Variants in PLD5 observed in about 807,000 individuals in gnomAD.
The protein encoded by PLD5 is inactive phospholipase D5.
PLD5 carries 36 observed loss-of-function variants against 61.1 expected under a neutral mutation model. That is an observed-to-expected ratio of 0.59 (90% CI 0.45 to 0.78). PLD5 has a LOEUF of 0.78. PLD5 is among the 30% of genes least tolerant of loss of function. PLD5 has a pLI of 0.00. For synonymous variants in PLD5, 243 were observed against 242.8 expected, an observed-to-expected ratio of 1.00 and a Z score of -0.01; for missense variants, 515 against 644.4, an observed-to-expected ratio of 0.80 and a Z score of 2.17.
intron 4 of PLD5, among the ~76,000 whole-genome samples, chr1:242,241,868 AC>A (rs1672031053): frequency 1.2e-5 from 1 of 84,798 alleles, no homozygotes; most frequent in South Asian, 3.5e-4. Flanking sequence ...TGCTTTACTT[AC>A]TATATATATA....
intron 2 of PLD5, among the ~76,000 whole-genome samples, chr1:242,300,997 C>T (rs190782931): frequency 9.9e-4 from 151 of 152,286 alleles, no homozygotes; most frequent in Middle Eastern, 3.4e-3. Flanking sequence ...GCGAGCTTGC[C>T]TTTCATCTTT....
At chr1:242,421,781 ATGT>A (rs1249343432) in intron 1 of PLD5, among the ~76,000 whole-genome samples, 1 of 152,194 alleles carries the variant, frequency 6.6e-6, no homozygotes, top group East Asian at 1.9e-4. Flanking sequence ...GTTGTGGATG[ATGT>A]TGTTTTCAGT....
At chr1:242,110,198 TG>T (rs1661377823) in intron 7 of PLD5, among the ~76,000 whole-genome samples, 2 of 152,046 alleles carry the variant, frequency 1.3e-5, no homozygotes, top group African/African-American at 4.8e-5. Flanking sequence ...AATACTGAAC[TG>T]GCCCAGAATT....
chr1:242,365,010 C>T (rs572083537), intron 1 of PLD5, among the ~76,000 whole-genome samples: 4 of 151,376 alleles, frequency 2.6e-5, no homozygotes, highest in African/African-American at 9.7e-5. Flanking sequence ...TTCCAAATAT[C>T]TCTATGAGAA....
rs113732721 is a variant in PLD5, at chr1:242,169,824, G to A, written c.736-45159C>T. 1.3e-3 allele frequency among the ~76,000 whole-genome samples: 202 copies of A among 152,274 alleles called. 1 individual carries two copies. The highest frequency in any genetic ancestry group is 4.7e-3 in the African/African-American group (194 of 41,556). On this transcript the variant is annotated intron_variant, in intron 5 of 9. Coordinates refer to ENST00000536534, the MANE Select transcript of PLD5 (RefSeq NM_001372062.1). Reference sequence around the variant, plus strand: ...TGTAAACAAAGCAGCCAGGAAGTTCGAACTGGGTGGAGCCCACCGCAGCTC... The same window carrying A: ...TGTAAACAAAGCAGCCAGGAAGTTCAAACTGGGTGGAGCCCACCGCAGCTC...
chr1:242,138,480 C>T (rs59012281), intron 5 of PLD5, among the ~76,000 whole-genome samples: 52,484 of 151,758 alleles, frequency 0.35, 9,267 homozygotes, highest in African/African-American at 0.36. Flanking sequence ...TAGAAATCCC[C>T]TCGAAGAACA....
intron 7 of PLD5, among the ~76,000 whole-genome samples, chr1:242,108,816 G>T (rs942642502): frequency 8.6e-5 from 13 of 152,046 alleles, no homozygotes; most frequent in African/African-American, 3.1e-4. Flanking sequence ...ACCTCTAAAG[G>T]CCTCCTGTCC....
chr1:242,141,529 A>T (rs998260469), intron 5 of PLD5, among the ~76,000 whole-genome samples: 1 of 151,854 alleles, frequency 6.6e-6, no homozygotes, highest in Non-Finnish European at 1.5e-5. Context: ...ACTGGTCTTG[A>T]CCTCCTCCTC....
At chr1:242,205,797 T>C (rs1404426055) in intron 5 of PLD5, among the ~76,000 whole-genome samples, 1 of 152,214 alleles carries the variant, frequency 6.6e-6, no homozygotes, top group Non-Finnish European at 1.5e-5. Context: ...AGATGGACTA[T>C]ACAACAGTGA....
At chr1:242,211,029 T>G (rs1669784335) in intron 5 of PLD5, among the ~76,000 whole-genome samples, 1 of 152,162 alleles carries the variant, frequency 6.6e-6, no homozygotes, top group East Asian at 1.9e-4. Flanking sequence ...TTCTGTAACA[T>G]AGAAGTGCCA....
chr1:242,091,709 C>T (rs1379558899), intron 9 of PLD5, among the ~76,000 whole-genome samples: 1 of 152,110 alleles, frequency 6.6e-6, no homozygotes, highest in Non-Finnish European at 1.5e-5. Context: ...CTTAGCTTAG[C>T]TTTTACATAG....
intron 2 of PLD5, among the ~76,000 whole-genome samples, chr1:242,322,650 T>C (rs1201890745): frequency 1.3e-5 from 2 of 152,234 alleles, no homozygotes; most frequent in Middle Eastern, 3.2e-3. Context: ...GTTCCCATGA[T>C]AGTGAGTGAG....
At chr1:242,463,918 T>C (rs1054998996) in intron 1 of PLD5, among the ~76,000 whole-genome samples, 5 of 152,092 alleles carry the variant, frequency 3.3e-5, no homozygotes, top group Non-Finnish European at 5.9e-5. Flanking sequence ...ATTTCTTCCC[T>C]TCCCTGTGTG....
Position 242,084,639 on chromosome 1 carries a change from A to G in PLD5, c.*5215T>C, listed in dbSNP as rs1659373561. 6.6e-6 allele frequency: 1 copy of G among 151,922 alleles called. No individual in the cohort carries two copies. The allele number at this position is 151,922 out of a possible 1,614,324, so 9.4% of individuals were successfully genotyped here. A position where few individuals can be genotyped will look rare whatever the true frequency, so the allele number is the denominator to read the frequency against. On this transcript the variant is annotated 3_prime_UTR_variant, in exon 10 of 10. Transcript: ENST00000536534. The stretch of plus-strand genomic sequence containing the variant: ...AGATGGCTGTTAAAGTATGCTCTAC[A>G]GCTCAATATGGGTTTGCTGAGCAGA...
chr1:242,319,168 A>G lies in PLD5; in HGVS notation c.326+28938T>C, dbSNP rs529691334. Among the ~76,000 whole-genome samples the G allele has an allele frequency of 6.8e-3, 1,030 of 152,262 alleles. 7 individuals carry two copies. Among genetic ancestry groups the G allele is most frequent in the Non-Finnish European group, 0.011 (722 of 68,026 alleles). On this transcript the variant is annotated intron_variant, in intron 2 of 9. Transcript: ENST00000536534. ...ATTAAAGAAAAATAACCTGAAGACA[A>G]TACTGAATCACCCACTTTTTATTTT...
At chr1:242,414,151 TAGG>T (rs1479788746) in intron 1 of PLD5, among the ~76,000 whole-genome samples, 2 of 152,072 alleles carry the variant, frequency 1.3e-5, no homozygotes, top group African/African-American at 4.8e-5. Flanking sequence ...GAGAAATAAT[TAGG>T]AGACAAATTG....
chr1:242,119,855 C>T (rs1046578265), intron 6 of PLD5, among the ~76,000 whole-genome samples: 1 of 152,128 alleles, frequency 6.6e-6, no homozygotes, highest in Non-Finnish European at 1.5e-5. Flanking sequence ...CAGCTATTCA[C>T]ATAAAAACCT....
At chr1:242,449,526 G>A (rs1666696482) in intron 1 of PLD5, 1 of 1,476,066 alleles carries the variant, frequency 6.8e-7, no homozygotes, top group African/African-American at 1.4e-5. Flanking sequence ...TCAATGCTTT[G>A]GAAATCAGCC....
At chr1:242,109,843 C>T (rs1661342631) in intron 7 of PLD5, among the ~76,000 whole-genome samples, 1 of 151,574 alleles carries the variant, frequency 6.6e-6, no homozygotes. Flanking sequence ...TAATATTCTG[C>T]ACTCAGGAGG....
Sources: gnomAD v4.1 joint callset for allele counts (sites outside exome capture counted in the v4.1 genomes callset) on GRCh38, gnomAD v4.1.1 for gene constraint, MANE v1.5 for transcripts, NCBI Gene and HGNC (gene_info 2026-07-23, HGNC 2026-07-21) for gene names.